The following RBM6 variants were observed in gnomAD, a reference collection of about 807,000 sequenced individuals.
RBM6 encodes the protein RNA binding motif protein 6.
A neutral mutation model predicts 140.4 loss-of-function variants in RBM6; 23 were observed. The ratio of observed to expected loss-of-function variants is 0.16; its 90% CI spans 0.12 to 0.23. RBM6 has a LOEUF of 0.23. RBM6 is among the 10% of genes least tolerant of loss of function. RBM6 has a pLI of 1.00. For synonymous variants in RBM6, 439 were observed against 475.6 expected (o/e 0.92, Z 1.00); for missense variants, 1,139 against 1,386.7 (o/e 0.82, Z 2.84).
At chr3:50,002,461 C>G (rs2086384108) in intron 6 of RBM6, among the ~76,000 whole-genome samples, 1 of 151,908 alleles carries the variant, frequency 6.6e-6, no homozygotes, top group African/African-American at 2.4e-5. Context: ...GGGGTTTCAC[C>G]ATGTTTGCCA....
intron 5 of RBM6, among the ~76,000 whole-genome samples, chr3:49,986,854 C>T (rs1404461291): frequency 2.7e-5 from 4 of 147,972 alleles, no homozygotes; most frequent in African/African-American, 5.0e-5. Context: ...GGCATGCTCA[C>T]GGCTCACTGC....
rs201439775 is a variant in RBM6 at position 50,042,745 on chromosome 3, C to CT, written c.1558-5492dup. Among the ~76,000 whole-genome samples, 960 of 151,328 alleles carry CT rather than the reference C, an allele frequency of 6.3e-3. 10 individuals are homozygous for CT. Among genetic ancestry groups the CT allele is most frequent in the African/African-American group, 0.021 (872 of 41,226 alleles). Reference sequence around the variant, plus strand: ...CTGGGCAACAGAAGCGAGACCCTGTCTTTTTTTTAAAAAAAAAAGACTATC... The same window carrying CT: ...CTGGGCAACAGAAGCGAGACCCTGTCTTTTTTTTTAAAAAAAAAAGACTATC... On this transcript the variant is annotated intron_variant, in intron 6 of 20. Transcript: ENST00000266022.
chr3:50,047,058 C>A, intron 6 of RBM6: 1 of 477,050 alleles, frequency 2.1e-6, no homozygotes, highest in Non-Finnish European at 2.7e-6. Context: ...GTGTCTCAGA[C>A]CAGATGCTAA....
intron 1 of RBM6, among the ~76,000 whole-genome samples, chr3:49,947,218 C>T (rs2083528144): frequency 2.8e-5 from 4 of 143,016 alleles, no homozygotes; most frequent in Admixed American, 1.5e-4. Flanking sequence ...AGCCACTGCA[C>T]TCCAGCCTGG....
At chr3:49,948,803 A>G (rs190467102) in intron 1 of RBM6, among the ~76,000 whole-genome samples, 5 of 149,032 alleles carry the variant, frequency 3.4e-5, no homozygotes, top group Admixed American at 2.7e-4. Flanking sequence ...CCTGGGCAAC[A>G]GAGTGAGACT....
intron 1 of RBM6, among the ~76,000 whole-genome samples, chr3:49,950,113 C>T (rs2083670053): frequency 6.6e-6 from 1 of 152,076 alleles, no homozygotes; most frequent in Non-Finnish European, 1.5e-5. Context: ...ATTAAAGTTG[C>T]TACTGTTTAA....
At chr3:50,055,297 G>A (rs879609115) in intron 8 of RBM6, among the ~76,000 whole-genome samples, 4 of 152,188 alleles carry the variant, frequency 2.6e-5, no homozygotes, top group Non-Finnish European at 5.9e-5. Flanking sequence ...AGGTGTGGTG[G>A]CACATGCTTG....
chr3:49,968,722 G>A lies in RBM6; in HGVS notation c.1297G>A (p.Ala433Thr), dbSNP rs1331752646. Reference protein sequence around the residue: ...QSKSFPEGKTARDAQRDLQDQ... With the variant: ...QSKSFPEGKTTRDAQRDLQDQ... ...CAAGTCTTTTCCAGAGGGCAAAACT[G>A]CCCGAGATGCCCAACGGGACCTTCA... Residue 433 changes from alanine (A) to threonine (T), a missense_variant, in exon 3 of 21, where the codon GCC (alanine) becomes ACC (threonine). Transcript: ENST00000266022. 5 of 1,594,960 alleles carry A rather than the reference G, an allele frequency of 3.1e-6. No homozygotes were observed. Among genetic ancestry groups the A allele is most frequent in the Non-Finnish European group, 4.3e-6 (5 of 1,169,000 alleles).
chr3:49,982,262 CTTTTTTTTTT>C (rs751604271), intron 5 of RBM6, among the ~76,000 whole-genome samples: 117 of 68,398 alleles, frequency 1.7e-3, no homozygotes, highest in African/African-American at 4.1e-3. Flanking sequence ...CTTTTCTTTT[CTTTTTTTTTT>C]TTTTTTTTTT....
At chr3:49,990,525 A>G (rs1271994939) in intron 5 of RBM6, among the ~76,000 whole-genome samples, 1 of 152,200 alleles carries the variant, frequency 6.6e-6, no homozygotes, top group Non-Finnish European at 1.5e-5. Context: ...TGTAATTAAA[A>G]CACTATTGTT....
rs557171927 is a variant in RBM6, at chr3:50,041,459, G to C, written c.1558-6786G>C. Among the ~76,000 whole-genome samples, 502 of 152,264 alleles carry C rather than the reference G, an allele frequency of 3.3e-3. 4 individuals are homozygous for C. The highest frequency in any genetic ancestry group is 0.012 in the African/African-American group (492 of 41,560). On this transcript the variant is annotated intron_variant, in intron 6 of 20. Transcript: ENST00000266022. ...TATCTCATTTTGGTTTGGCCTTTGG[G>C]AATAGTGGGTTTTAAAAAATATTTG...
chr3:50,065,715 C>G (rs1377302479), intron 16 of RBM6: 1 of 448,616 alleles, frequency 2.2e-6, no homozygotes, highest in African/African-American at 2.0e-5. Flanking sequence ...TTTAACAGTT[C>G]TTATAAGGTA....
At chr3:50,028,887 A>G (rs974612319) in intron 6 of RBM6, among the ~76,000 whole-genome samples, 3 of 151,454 alleles carry the variant, frequency 2.0e-5, no homozygotes, top group Non-Finnish European at 1.5e-5. Context: ...TGTGGTCTTG[A>G]CCCCCCCAAC....
At chr3:49,977,176 C>T (rs1040805568) in intron 5 of RBM6, among the ~76,000 whole-genome samples, 1 of 152,186 alleles carries the variant, frequency 6.6e-6, no homozygotes, top group Non-Finnish European at 1.5e-5. Context: ...GCTGTTTGAT[C>T]TCATTCAGTA....
At chr3:50,026,894 G>C (rs1354348651) in intron 6 of RBM6, among the ~76,000 whole-genome samples, 1 of 122,770 alleles carries the variant, frequency 8.1e-6, no homozygotes, top group African/African-American at 3.5e-5. Context: ...GTGAGACCTT[G>C]TCTCACCAAA....
chr3:50,004,312 C>G (rs1196375013), intron 6 of RBM6, among the ~76,000 whole-genome samples: 1 of 146,976 alleles, frequency 6.8e-6, no homozygotes, highest in African/African-American at 2.5e-5. Context: ...CCCCTCCCCC[C>G]CCTCCCCTCT....
chr3:49,978,673 G>A (rs879813005), intron 5 of RBM6, among the ~76,000 whole-genome samples: 3 of 152,084 alleles, frequency 2.0e-5, no homozygotes, highest in African/African-American at 7.2e-5. Flanking sequence ...TAATACTTAC[G>A]CTGCAAAATT....
At chr3:49,950,014 G>A (rs2083665607) in intron 1 of RBM6, among the ~76,000 whole-genome samples, 1 of 152,056 alleles carries the variant, frequency 6.6e-6, no homozygotes, top group African/African-American at 2.4e-5. Flanking sequence ...TGAGCCACTG[G>A]CCCAGACTAC....
chr3:50,006,019 G>A (rs959272728), intron 6 of RBM6, among the ~76,000 whole-genome samples: 3 of 152,048 alleles, frequency 2.0e-5, no homozygotes, highest in African/African-American at 7.2e-5. Flanking sequence ...GTGAGTTTAA[G>A]GATCGATGAC....
Sources: allele counts gnomAD v4.1 joint callset (sites outside exome capture counted in the v4.1 genomes callset), GRCh38; gene constraint gnomAD v4.1.1; transcripts MANE v1.5; gene names NCBI Gene and HGNC (gene_info 2026-07-23, HGNC 2026-07-21).